The following GSTM2 variants were observed in gnomAD, a reference collection of about 807,000 sequenced individuals.
GSTM2 encodes GST class-mu 2.
GSTM2 carries 33 observed loss-of-function variants against 33.3 expected under a neutral mutation model. The ratio of observed to expected loss-of-function variants is 0.99; its 90% CI spans 0.75 to 1.33. The LOEUF (loss-of-function observed/expected upper bound fraction) is 1.33. Ranked by LOEUF, GSTM2 falls within the 40% of genes most tolerant of loss-of-function variation. GSTM2 has a pLI of 0.00. For missense variants in GSTM2, 213 were observed against 265.8 expected, an observed-to-expected ratio of 0.80 and a Z score of 1.38; for synonymous variants, 93 against 95.6, an observed-to-expected ratio of 0.97 and a Z score of 0.16.
At chr1:109,679,580 G>A (rs1647806045), downstream of GSTM2, among the ~76,000 whole-genome samples, 2 of 152,150 alleles carry the variant, frequency 1.3e-5, no homozygotes, top group East Asian at 3.8e-4. Flanking sequence ...GAATCTACTT[G>A]TTTGTGAATC....
In GSTM2 at chr1:109,671,282, C is replaced by G; in HGVS notation, c.361-5C>G. Reference sequence around the variant, plus strand: ...GAGGGTGTTGACAGCTGTTTTCTGCCTCAGGAGAAACTGAAACCAGAATAC... The same window carrying G: ...GAGGGTGTTGACAGCTGTTTTCTGCGTCAGGAGAAACTGAAACCAGAATAC... On this transcript the variant is annotated splice_polypyrimidine_tract_variant and splice_region_variant and intron_variant, in intron 5 of 7. Transcript: ENST00000241337. 1 of 1,607,940 alleles carries G rather than the reference C, an allele frequency of 6.2e-7. No individual in the cohort carries two copies. Among genetic ancestry groups the G allele is most frequent in the Non-Finnish European group, 8.5e-7 (1 of 1,174,424 alleles).
chr1:109,669,025 T>C (rs750733142), intron 3 of GSTM2, 36 bp downstream of exon 3: 32 of 1,603,954 alleles, frequency 2.0e-5, no homozygotes, highest in Non-Finnish European at 2.7e-5. Flanking sequence ...TGGGGGAAAG[T>C]GCGACGTGTC....
At chr1:109,676,884 C>T (rs1647717935), downstream of GSTM2, among the ~76,000 whole-genome samples, 1 of 152,160 alleles carries the variant, frequency 6.6e-6, no homozygotes. Flanking sequence ...TTAGCAGTTC[C>T]TAAGCTGTGA....
Position 109,668,374 on chromosome 1 carries a change from A to G in GSTM2, c.37-51A>G, listed in dbSNP as rs757296446. ...GGCTCCCCTTGTGCAGAGTCGTCAC[A>G]AAGTCAGGGACCCTCCATCTCTGAC... On this transcript the variant is annotated intron_variant, in intron 1 of 7. Transcript: ENST00000241337. The G allele has an allele frequency of 3.8e-6, 6 of 1,594,466 alleles. No homozygotes were observed. In the African/African-American group the frequency reaches 4.0e-5, roughly 11 times the overall value.
At chr1:109,673,292 G>A in intron 7 of GSTM2, 2 of 1,601,412 alleles carry the variant, frequency 1.2e-6, no homozygotes, top group South Asian at 2.2e-5. Flanking sequence ...AGGCACAGTG[G>A]GAGATGCATA....
downstream of GSTM2, among the ~76,000 whole-genome samples, chr1:109,679,538 G>A (rs2101264539): frequency 6.6e-6 from 1 of 152,216 alleles, no homozygotes; most frequent in South Asian, 2.1e-4. Context: ...TTTATTGGTT[G>A]TGCATGTTTC....
chr1:109,678,339 GATGGC>G (rs1380765044), downstream of GSTM2, among the ~76,000 whole-genome samples: 2 of 152,084 alleles, frequency 1.3e-5, no homozygotes, highest in Non-Finnish European at 2.9e-5. Context: ...GTTTTGCCAT[GATGGC>G]CAGGCTGGTC....
chr1:109,679,152 A>AT (rs931161230), downstream of GSTM2, among the ~76,000 whole-genome samples: 2,754 of 147,408 alleles, frequency 0.019, 87 homozygotes, highest in Admixed American at 0.076. Flanking sequence ...TCATCTTATG[A>AT]TTTTTTTTTT....
chr1:109,676,358 T>C (rs1291389699), downstream of GSTM2, among the ~76,000 whole-genome samples: 1 of 152,156 alleles, frequency 6.6e-6, no homozygotes, highest in Non-Finnish European at 1.5e-5. Context: ...TTATTATTAT[T>C]GTTGTTATTT....
intron 7 of GSTM2, chr1:109,673,474 A>C: frequency 5.7e-6 from 3 of 524,330 alleles, no homozygotes; most frequent in Non-Finnish European, 6.8e-6. Context: ...TCCCTTTTCC[A>C]CTCCCCATCA....
At chr1:109,679,099 C>T (rs913367123), downstream of GSTM2, among the ~76,000 whole-genome samples, 9 of 151,904 alleles carry the variant, frequency 5.9e-5, no homozygotes, top group African/African-American at 1.9e-4. Context: ...GCAAGGTACA[C>T]GGATCATTCT....
At position 109,674,727 on chromosome 1, in the gene GSTM2, C is replaced by A. The variant is rs751876819; in HGVS notation, c.568-20C>A. ...TGGGCAGCTGACCTTGAGTTCTGGC[C>A]TTATTTTCCCCCCTCTCAGGGCTTG... On this transcript the variant is annotated intron_variant, in intron 7 of 7. Coordinates refer to ENST00000241337, the MANE Select transcript of GSTM2 (RefSeq NM_000848.4). 1.9e-6 allele frequency: 3 copies of A among 1,614,004 alleles called. No individual in the cohort carries two copies. The highest frequency in any genetic ancestry group is 1.7e-5 in the Admixed American group (1 of 60,002).
In GSTM2 at chr1:109,673,179, C is replaced by CT. The variant is rs751288895; in HGVS notation, c.568-1561dup. ...GCCACCGCGCCTGGCCTCTTCCTCT[C>CT]TTTTTTTCCCTCCAATGTTCCAGGT... On this transcript the variant is annotated intron_variant, in intron 7 of 7. Coordinates refer to ENST00000241337, the MANE Select transcript of GSTM2 (RefSeq NM_000848.4). 7.7e-5 allele frequency: 124 copies of CT among 1,610,482 alleles called. 1 individual carries two copies. In the African/African-American group the frequency reaches 1.6e-3, roughly 21 times the overall value.
chr1:109,672,284 C>A (rs756635), intron 7 of GSTM2, among the ~76,000 whole-genome samples: 135,263 of 150,498 alleles, frequency 0.9, 60,856 homozygotes, highest in East Asian at 1. Context: ...CCATCTCAAA[C>A]AAAAAAAAGA....
At chr1:109,682,441 CAT>C (rs1647875950) in intron 7 of GSTM2, among the ~76,000 whole-genome samples, 2 of 72,312 alleles carry the variant, frequency 2.8e-5, no homozygotes, top group Non-Finnish European at 7.3e-5. Flanking sequence ...AGGGTTTCAC[CAT>C]GTTAGCCAGG....
downstream of GSTM2, among the ~76,000 whole-genome samples, chr1:109,677,023 T>G (rs1440617606): frequency 1.3e-5 from 2 of 152,178 alleles, no homozygotes. Flanking sequence ...CATTAAAAAA[T>G]GAGTCAGAAT....
intron 7 of GSTM2, among the ~76,000 whole-genome samples, chr1:109,674,364 C>G (rs538883487): frequency 2.0e-5 from 3 of 152,116 alleles, no homozygotes; most frequent in African/African-American, 7.2e-5. Flanking sequence ...AGTTCTATTC[C>G]CCTTACTAGG....
intron 7 of GSTM2, among the ~76,000 whole-genome samples, chr1:109,673,749 C>T (rs1445473016): frequency 6.6e-6 from 1 of 152,174 alleles, no homozygotes; most frequent in Non-Finnish European, 1.5e-5. Context: ...CAGGTGCCCG[C>T]CACCATGACC....
chr1:109,678,552 T>C (rs1342382555), downstream of GSTM2, among the ~76,000 whole-genome samples: 1 of 31,784 alleles, frequency 3.1e-5, no homozygotes, highest in Non-Finnish European at 9.2e-5. Flanking sequence ...GAGACCATCC[T>C]GGCTTGTACA....
Sources: gnomAD v4.1 joint callset for allele counts (sites outside exome capture counted in the v4.1 genomes callset) on GRCh38, gnomAD v4.1.1 for gene constraint, MANE v1.5 for transcripts, NCBI Gene and HGNC (gene_info 2026-07-23, HGNC 2026-07-21) for gene names.